The following DST variants were observed in gnomAD, a reference collection of about 807,000 sequenced individuals.
DST encodes bullous pemphigoid antigen.
DST carries 253 observed loss-of-function variants against 875.2 expected under a neutral mutation model. The observed-to-expected ratio is 0.29, with a 90% CI of 0.26 to 0.32. The LOEUF (loss-of-function observed/expected upper bound fraction) is 0.32, where lower values mean the gene tolerates loss of function less well. Ranked by LOEUF, DST falls within the 10% of genes least tolerant of loss-of-function variation. DST has a pLI of 1.00. For synonymous variants in DST, 3,124 were observed against 3,197.1 expected (o/e 0.98, Z 0.77); for missense variants, 8,287 against 9,111.6 (o/e 0.91, Z 3.68).
intron 9 of DST, among the ~76,000 whole-genome samples, chr6:56,673,912 T>C (rs546818861): frequency 1.8e-4 from 27 of 152,322 alleles, no homozygotes; most frequent in African/African-American, 5.8e-4. Flanking sequence ...CATCCTCTTA[T>C]AGCAATTTAA....
intron 92 of DST, chr6:56,474,282 G>C (rs1473929510): frequency 7.3e-6 from 2 of 274,870 alleles, no homozygotes; most frequent in African/African-American, 4.6e-5. Flanking sequence ...TCAGGAGTTT[G>C]AGACCAGCCT....
intron 4 of DST, chr6:56,843,568 C>T (rs1190607756): frequency 2.8e-5 from 28 of 983,590 alleles, no homozygotes; most frequent in Non-Finnish European, 3.4e-5. Context: ...GCGCGTGCTT[C>T]GGGCCGGGCC....
chr6:56,686,001 T>C (rs2099183647), intron 9 of DST, among the ~76,000 whole-genome samples: 1 of 152,216 alleles, frequency 6.6e-6, no homozygotes, highest in Non-Finnish European at 1.5e-5. Flanking sequence ...CGTATGTTTA[T>C]CACAGCACTA....
intron 71 of DST, 51 bp from the exon 72 acceptor site, chr6:56,515,719 A>G (rs1469843036): frequency 1.4e-6 from 2 of 1,440,998 alleles, no homozygotes; most frequent in African/African-American, 2.8e-5. Flanking sequence ...ACGAGCACAC[A>G]CACTCCAGAG....
intron 4 of DST, among the ~76,000 whole-genome samples, chr6:56,813,392 A>AT (rs1385635061): frequency 9.5e-6 from 1 of 104,978 alleles, no homozygotes; most frequent in South Asian, 2.6e-4. Flanking sequence ...AATAATAATA[A>AT]AAAAAAAAAT....
At chr6:56,866,167 T>G (rs1773975170) in intron 3 of DST, among the ~76,000 whole-genome samples, 1 of 152,056 alleles carries the variant, frequency 6.6e-6, no homozygotes. Context: ...CTAATTTTTT[T>G]GTATTTTTAG....
At chr6:56,899,789 G>A (rs1218832676) in intron 3 of DST, among the ~76,000 whole-genome samples, 2 of 152,226 alleles carry the variant, frequency 1.3e-5, no homozygotes, top group Non-Finnish European at 2.9e-5. Context: ...GATGTGAGAA[G>A]GGGATGAAGA....
chr6:56,741,358 C>T (rs1265322954), intron 4 of DST, among the ~76,000 whole-genome samples: 1 of 152,184 alleles, frequency 6.6e-6, no homozygotes, highest in African/African-American at 2.4e-5. Flanking sequence ...AAATAACACA[C>T]ATAATTCATA....
chr6:56,845,598 G>A (rs990204460), intron 4 of DST, among the ~76,000 whole-genome samples: 1 of 152,176 alleles, frequency 6.6e-6, no homozygotes, highest in Non-Finnish European at 1.5e-5. Flanking sequence ...TAACAACCAG[G>A]CATCATATGG....
chr6:56,659,994 A>G (rs553030451), intron 10 of DST, among the ~76,000 whole-genome samples: 138 of 152,246 alleles, frequency 9.1e-4, no homozygotes, highest in Middle Eastern at 6.8e-3. Flanking sequence ...TTTGGTAGCA[A>G]AAAAGACTTT....
intron 9 of DST, among the ~76,000 whole-genome samples, chr6:56,698,520 G>T (rs1347043063): frequency 6.6e-6 from 1 of 152,042 alleles, no homozygotes; most frequent in Non-Finnish European, 1.5e-5. Context: ...TAGAGACGGG[G>T]TTTCACCCGT....
At chr6:56,566,169 C>T (rs2097673170) in intron 55 of DST, among the ~76,000 whole-genome samples, 1 of 152,166 alleles carries the variant, frequency 6.6e-6, no homozygotes, top group African/African-American at 2.4e-5. Context: ...GACCACTTAG[C>T]TCCATGGCTT....
At chr6:56,765,693 G>C (rs1316531103) in intron 4 of DST, among the ~76,000 whole-genome samples, 1 of 152,180 alleles carries the variant, frequency 6.6e-6, no homozygotes, top group Non-Finnish European at 1.5e-5. Flanking sequence ...CAGAGATCTT[G>C]AGGTACTGCC....
chr6:56,872,989 C>A (rs1778069687), intron 3 of DST, among the ~76,000 whole-genome samples: 1 of 152,060 alleles, frequency 6.6e-6, no homozygotes, highest in Non-Finnish European at 1.5e-5. Flanking sequence ...TCTCCTTTCC[C>A]TGAATACCTG....
intron 32 of DST, among the ~76,000 whole-genome samples, chr6:56,628,784 A>C (rs187421978): frequency 6.6e-6 from 1 of 152,308 alleles, no homozygotes; most frequent in East Asian, 1.9e-4. Flanking sequence ...ATGAACCCTA[A>C]AACCTTTTTT....
At chr6:56,764,287 C>T (rs1432303935) in intron 4 of DST, among the ~76,000 whole-genome samples, 1 of 152,198 alleles carries the variant, frequency 6.6e-6, no homozygotes, top group Non-Finnish European at 1.5e-5. Flanking sequence ...AGCACAATCT[C>T]CAAAACGTTT....
chr6:56,537,070 G>A (rs1377727950), intron 61 of DST, 130 bp from the exon 62 acceptor site: 1 of 774,210 alleles, frequency 1.3e-6, no homozygotes, highest in East Asian at 2.7e-5. Flanking sequence ...AATTTTTATT[G>A]TCTAGCCATA....
chr6:56,587,670 A>C (rs377206926), intron 49 of DST, among the ~76,000 whole-genome samples: 4 of 152,150 alleles, frequency 2.6e-5, no homozygotes, highest in Non-Finnish European at 5.9e-5. Context: ...AGAAAGGTCG[A>C]GTTACCCACA....
Position 56,482,074 on chromosome 6 carries a change from G to A in DST, c.21507C>T (p.Leu7169=). 5 of 1,613,546 alleles carry A rather than the reference G, an allele frequency of 3.1e-6. No individual in the cohort carries two copies. Among genetic ancestry groups the A allele is most frequent in the Non-Finnish European group, 4.2e-6 (5 of 1,179,760 alleles). Residue 7169 remains leucine (L), a synonymous_variant, in exon 90 of 104, where the codon CTC becomes CTT. Transcript: ENST00000680361. The part of the protein sequence containing the change: ...HGVLPDDEDA[L]RTLIDQHKEF... ...CTTTATGCTGATCAATGAGAGTCCG[G>A]AGAGCATCCTCATCATCTGGGAGGA...
Sources: allele counts gnomAD v4.1 joint callset (sites outside exome capture counted in the v4.1 genomes callset), GRCh38; gene constraint gnomAD v4.1.1; transcripts MANE v1.5; gene names NCBI Gene and HGNC (gene_info 2026-07-23, HGNC 2026-07-21).